The following POU2F3 variants were observed in gnomAD, a reference collection of about 807,000 sequenced individuals.
POU2F3 encodes POU class 2 homeobox 3.
A neutral mutation model predicts 59.2 loss-of-function variants in POU2F3; 23 were observed. That is an observed-to-expected ratio of 0.39 (90% confidence interval 0.28 to 0.55). The LOEUF (loss-of-function observed/expected upper bound fraction) is 0.55, where lower values mean the gene tolerates loss of function less well. Ranked by LOEUF, POU2F3 falls within the 20% of genes least tolerant of loss-of-function variation. POU2F3 has a pLI of 0.66. For synonymous variants in POU2F3, 190 were observed against 214.6 expected, an observed-to-expected ratio of 0.89 and a Z score of 1.00; for missense variants, 473 against 544.5, an observed-to-expected ratio of 0.87 and a Z score of 1.31.
chr11:120,299,861 A>T, intron 5 of POU2F3, 135 bp downstream of exon 5: 2 of 674,954 alleles, frequency 3.0e-6, no homozygotes, highest in Non-Finnish European at 4.9e-6. Flanking sequence ...AGACCTACTT[A>T]TCCACCCCAG....
At chr11:120,259,912 T>A (rs1939518091) in intron 2 of POU2F3, among the ~76,000 whole-genome samples, 1 of 152,110 alleles carries the variant, frequency 6.6e-6, no homozygotes. Flanking sequence ...GGAAAAAACT[T>A]GTTTTGGGCT....
At chr11:120,315,915 C>T (rs1941774217) in intron 11 of POU2F3, among the ~76,000 whole-genome samples, 1 of 144,514 alleles carries the variant, frequency 6.9e-6, no homozygotes, top group South Asian at 2.2e-4. Flanking sequence ...CCTTGTTGCC[C>T]AGGCTGCAGT....
intron 7 of POU2F3, 125 bp from the exon 8 acceptor site, chr11:120,305,519 G>T: frequency 7.2e-7 from 1 of 1,395,076 alleles, no homozygotes; most frequent in African/African-American, 1.4e-5. Context: ...GAAAGGAGCC[G>T]AGCATGGGTG....
intron 10 of POU2F3, among the ~76,000 whole-genome samples, chr11:120,315,108 C>T (rs551150504): frequency 6.6e-6 from 1 of 152,348 alleles, no homozygotes; most frequent in South Asian, 2.1e-4. Flanking sequence ...TCAGGCAATA[C>T]ACATTGTCAG....
chr11:120,237,919 T>G (rs538143471), upstream of POU2F3, among the ~76,000 whole-genome samples: 1 of 152,246 alleles, frequency 6.6e-6, no homozygotes, highest in South Asian at 2.1e-4. Context: ...CAATAAGCCC[T>G]TGCTGGTCTC....
chr11:120,238,762 G>A (rs1938561528), upstream of POU2F3, among the ~76,000 whole-genome samples: 1 of 149,584 alleles, frequency 6.7e-6, no homozygotes, highest in Non-Finnish European at 1.5e-5. Flanking sequence ...CCCAGGAGGT[G>A]GAGGTTGCAG....
chr11:120,277,028 T>TA (rs921435314), intron 3 of POU2F3, among the ~76,000 whole-genome samples: 7 of 151,456 alleles, frequency 4.6e-5, no homozygotes, highest in Non-Finnish European at 2.9e-5. Flanking sequence ...CATTTTTTAC[T>TA]AAAAAATACA....
In POU2F3 at chr11:120,305,183, C is replaced by G. The variant is rs753408623; in HGVS notation, c.598C>G (p.Gln200Glu). 5 of 1,613,648 alleles carry G rather than the reference C, an allele frequency of 3.1e-6. No homozygotes were observed. The African/African-American group carries it at 6.7e-5, about 22-fold the overall frequency. Residue 200 changes from glutamine (Q) to glutamate (E), a missense_variant, in exon 7 of 13, where the codon CAG (glutamine) becomes GAG (glutamate). Gln to Glu is a conservative substitution (Grantham distance 29). Coordinates refer to ENST00000543440, the MANE Select transcript of POU2F3 (RefSeq NM_014352.4). ...ELEKFAKTFK[Q>E]RRIKLGFTQG... The stretch of plus-strand genomic sequence containing the variant: ...GGAGAAGTTTGCCAAGACCTTCAAG[C>G]AGAGGCGCATTAAGCTGGGCTTCAC...
chr11:120,276,149 G>A (rs1157009414), intron 3 of POU2F3, among the ~76,000 whole-genome samples: 3 of 152,178 alleles, frequency 2.0e-5, no homozygotes, highest in Non-Finnish European at 4.4e-5. Context: ...CCACAACCAG[G>A]AGCAGCCTCA....
intron 3 of POU2F3, among the ~76,000 whole-genome samples, chr11:120,289,013 G>A (rs1209805433): frequency 6.6e-6 from 1 of 152,122 alleles, no homozygotes; most frequent in Non-Finnish European, 1.5e-5. Context: ...CGTTTTGAAT[G>A]CTTACTAACT....
At chr11:120,268,943 C>T (rs1939948837) in intron 2 of POU2F3, among the ~76,000 whole-genome samples, 1 of 152,288 alleles carries the variant, frequency 6.6e-6, no homozygotes. Flanking sequence ...CAGCTGTCCT[C>T]CCCACAGACT....
At chr11:120,268,334 A>G (rs1591394051) in intron 2 of POU2F3, among the ~76,000 whole-genome samples, 1 of 151,266 alleles carries the variant, frequency 6.6e-6, no homozygotes, top group African/African-American at 2.4e-5. Context: ...TCTTCCTCTT[A>G]TGTATTTATT....
At position 120,285,493 on chromosome 11, in the gene POU2F3, T is replaced by G. The variant is rs1940745976; in HGVS notation, c.133-12772T>G. ...TTTCTGTGTAAATATCCTGGATCTG[T>G]AAACGATTCCATATGTTATGCTGCT... On this transcript the variant is annotated intron_variant, in intron 3 of 12. Transcript: ENST00000543440. The surrounding 1 kb of genome is among the most constrained non-coding windows in gnomAD (Gnocchi z 4.3). Among the ~76,000 whole-genome samples, 1 of 152,222 alleles carries G rather than the reference T, an allele frequency of 6.6e-6. No homozygotes were observed. The highest frequency in any genetic ancestry group is 2.1e-4 in the South Asian group (1 of 4,836).
chr11:120,262,198 T>G lies in POU2F3; in HGVS notation c.98-7012T>G, dbSNP rs138508203. On this transcript the variant is annotated intron_variant, in intron 2 of 12. Transcript: ENST00000543440. The stretch of plus-strand genomic sequence containing the variant: ...CCTTTTCAACTTTTATTTTGAAAAA[T>G]TTCAGACATACAGAAAAAGGAAAAG... 4.6e-5 allele frequency among the ~76,000 whole-genome samples: 7 copies of G among 152,274 alleles called. 1 individual carries two copies. The highest frequency in any genetic ancestry group is 1.4e-4 in the African/African-American group (6 of 41,552).
At chr11:120,303,175 C>T (rs1941395353) in intron 6 of POU2F3, 1 of 149,942 alleles carries the variant, frequency 6.7e-6, no homozygotes, top group Non-Finnish European at 1.5e-5. Context: ...AGGGCTGAGG[C>T]CACTAAAAGT....
chr11:120,244,852 T>C lies in POU2F3; in HGVS notation c.29-1597T>C, dbSNP rs527558653. ...TCTGGGCGGTCCATAGTAGTTATTC[T>C]GCATATTCATGCATGGCAAACTATA... On this transcript the variant is annotated intron_variant, in intron 1 of 12. Transcript: ENST00000543440. 5.9e-5 allele frequency among the ~76,000 whole-genome samples: 9 copies of C among 152,038 alleles called. No homozygotes were observed. The South Asian group carries it at 1.7e-3, about 28-fold the overall frequency.
chr11:120,318,260 C>A, intron 12 of POU2F3, 93 bp from the exon 13 acceptor site: 2 of 1,243,772 alleles, frequency 1.6e-6, no homozygotes, highest in Non-Finnish European at 1.2e-6. Context: ...CTCCTACCTG[C>A]AAAAGCCCCT....
At chr11:120,275,122 C>A (rs1409506381) in intron 3 of POU2F3, among the ~76,000 whole-genome samples, 2 of 152,100 alleles carry the variant, frequency 1.3e-5, no homozygotes, top group African/African-American at 2.4e-5. Context: ...CTGTAGAATT[C>A]CCTTTCGAGG....
At chr11:120,257,715 A>G (rs997124359) in intron 2 of POU2F3, among the ~76,000 whole-genome samples, 1 of 152,234 alleles carries the variant, frequency 6.6e-6, no homozygotes, top group Admixed American at 6.5e-5. Context: ...CACTTTGCTC[A>G]GTGGTAACAC....
Sources: allele counts gnomAD v4.1 joint callset (sites outside exome capture counted in the v4.1 genomes callset), GRCh38; gene constraint gnomAD v4.1.1; non-coding constraint Gnocchi (gnomAD v3.1); transcripts MANE v1.5; gene names NCBI Gene and HGNC (gene_info 2026-07-23, HGNC 2026-07-21).